WWOX: variants seen among roughly 807,000 people sequenced by gnomAD.
WWOX encodes the protein WW domain containing oxidoreductase.
In WWOX, 69 loss-of-function variants were observed where a neutral mutation model predicts 46.2. The observed-to-expected ratio is 1.49, with a 90% CI of 1.23 to 1.82. The LOEUF (loss-of-function observed/expected upper bound fraction) is 1.82, where lower values mean the gene tolerates loss of function less well. WWOX is among the 40% of genes most tolerant of loss of function. The pLI, the probability that WWOX is intolerant of heterozygous loss-of-function variation, is 0.00. For missense variants in WWOX, 919 were observed against 542.6 expected (o/e 1.69, Z -6.89); for synonymous variants, 359 against 202.6 (o/e 1.77, Z -6.56).
At chr16:79,073,777 C>A (rs1297143276) in intron 8 of WWOX, among the ~76,000 whole-genome samples, 1 of 152,158 alleles carries the variant, frequency 6.6e-6, no homozygotes, top group Non-Finnish European at 1.5e-5. Context: ...GGGTTTATAA[C>A]TGATCCACTG....
chr16:78,505,853 G>C lies in WWOX; in HGVS notation c.1056+73101G>C, dbSNP rs1444173085. On this transcript the variant is annotated intron_variant, in intron 8 of 8. Transcript: ENST00000566780. ...ATTCTGTAGAGAGAGTGGGTGGAGA[G>C]GACTCCAGGGCCATGGAGGAAGATT... Among the ~76,000 whole-genome samples the C allele has an allele frequency of 7.9e-5, 12 of 152,264 alleles. No homozygotes were observed. In the East Asian group the frequency reaches 2.3e-3, roughly 29 times the overall value.
chr16:79,028,411 G>A (rs2047688659), intron 8 of WWOX, among the ~76,000 whole-genome samples: 1 of 151,724 alleles, frequency 6.6e-6, no homozygotes, highest in African/African-American at 2.4e-5. Context: ...GAAACATGAG[G>A]CAGTGTACAG....
At chr16:78,696,996 A>T (rs2048114157) in intron 8 of WWOX, among the ~76,000 whole-genome samples, 1 of 152,168 alleles carries the variant, frequency 6.6e-6, no homozygotes, top group Admixed American at 6.5e-5. Flanking sequence ...CCATCAGTTC[A>T]TTCCTTTTCA....
At chr16:79,122,534 T>C (rs955751464) in intron 8 of WWOX, among the ~76,000 whole-genome samples, 1 of 151,954 alleles carries the variant, frequency 6.6e-6, no homozygotes, top group African/African-American at 2.4e-5. Flanking sequence ...CTTCTCTCTA[T>C]CCTTCCTTTT....
At chr16:79,088,214 GC>G (rs2048888638) in intron 8 of WWOX, among the ~76,000 whole-genome samples, 1 of 152,182 alleles carries the variant, frequency 6.6e-6, no homozygotes, top group Non-Finnish European at 1.5e-5. Context: ...CCACGGGGTG[GC>G]CTTCAAGCAG....
At chr16:78,985,964 C>G (rs1303007047) in intron 8 of WWOX, among the ~76,000 whole-genome samples, 2 of 152,214 alleles carry the variant, frequency 1.3e-5, no homozygotes, top group Non-Finnish European at 2.9e-5. Context: ...GTCAAAAGTT[C>G]ATGGCTCAGA....
chr16:78,635,505 C>T (rs2046545989), intron 8 of WWOX, among the ~76,000 whole-genome samples: 1 of 152,144 alleles, frequency 6.6e-6, no homozygotes, highest in Non-Finnish European at 1.5e-5. Flanking sequence ...CATATCCTGG[C>T]TGGGCCACTT....
chr16:79,071,141 A>G (rs2048542731), intron 8 of WWOX, among the ~76,000 whole-genome samples: 1 of 152,210 alleles, frequency 6.6e-6, no homozygotes, highest in Non-Finnish European at 1.5e-5. Context: ...TTTCCAGGCT[A>G]GCAGTTTTTA....
chr16:78,419,350 G>T (rs1226723199), intron 6 of WWOX, among the ~76,000 whole-genome samples: 1 of 152,058 alleles, frequency 6.6e-6, no homozygotes, highest in African/African-American at 2.4e-5. Context: ...TGAAAAAGAA[G>T]AGTGTTGGAG....
At position 78,899,853 on chromosome 16, in the gene WWOX, G is replaced by C. The variant is rs991967943; in HGVS notation, c.1057-311755G>C. Among the ~76,000 whole-genome samples, 17 of 152,136 alleles carry C rather than the reference G, an allele frequency of 1.1e-4. 1 individual carries two copies. Among genetic ancestry groups the C allele is most frequent in the Admixed American group, 9.8e-4 (15 of 15,264 alleles). On this transcript the variant is annotated intron_variant, in intron 8 of 8. Transcript: ENST00000566780. ...TCTGTTTTGTTCCACTGGCTCCTAA[G>C]GTTCAGGTATTAACATAAATACAGC...
At chr16:78,327,297 A>G (rs1303522127) in intron 5 of WWOX, among the ~76,000 whole-genome samples, 1 of 152,206 alleles carries the variant, frequency 6.6e-6, no homozygotes, top group Admixed American at 6.5e-5. Flanking sequence ...TCTTTGCACC[A>G]GTGTCCCTAA....
At chr16:78,547,603 C>T (rs745738738) in intron 8 of WWOX, among the ~76,000 whole-genome samples, 3 of 152,272 alleles carry the variant, frequency 2.0e-5, no homozygotes, top group African/African-American at 7.2e-5. Flanking sequence ...TTATAAACAC[C>T]TGAAATCTAT....
At chr16:79,010,804 G>A (rs1219480181) in intron 8 of WWOX, among the ~76,000 whole-genome samples, 1 of 147,422 alleles carries the variant, frequency 6.8e-6, no homozygotes, top group East Asian at 2.0e-4. Flanking sequence ...TAAGGGCAGA[G>A]CACACTGGGG....
At chr16:78,888,462 C>A (rs532598863) in intron 8 of WWOX, among the ~76,000 whole-genome samples, 37 of 152,258 alleles carry the variant, frequency 2.4e-4, no homozygotes, top group African/African-American at 8.7e-4. Flanking sequence ...ATCCTGAGGT[C>A]CACTAGGTGC....
At chr16:78,850,920 A>G (rs973794040) in intron 8 of WWOX, among the ~76,000 whole-genome samples, 1 of 152,218 alleles carries the variant, frequency 6.6e-6, no homozygotes, top group Admixed American at 6.5e-5. Context: ...TCAGTCATGA[A>G]TAAGGAATCG....
At chr16:78,991,951 A>G (rs1347762903) in intron 8 of WWOX, among the ~76,000 whole-genome samples, 3 of 152,130 alleles carry the variant, frequency 2.0e-5, no homozygotes, top group Non-Finnish European at 4.4e-5. Context: ...CTCAACACAT[A>G]TTCATTAGTG....
intron 8 of WWOX, among the ~76,000 whole-genome samples, chr16:78,968,812 T>G (rs2046413833): frequency 6.6e-6 from 1 of 152,162 alleles, no homozygotes; most frequent in African/African-American, 2.4e-5. Context: ...TTTATTATGT[T>G]CAATTGGATT....
At chr16:78,324,435 G>T (rs1056188679) in intron 5 of WWOX, among the ~76,000 whole-genome samples, 1 of 151,930 alleles carries the variant, frequency 6.6e-6, no homozygotes, top group Non-Finnish European at 1.5e-5. Context: ...TCCACTCCTA[G>T]GTACGTATCA....
intron 8 of WWOX, among the ~76,000 whole-genome samples, chr16:79,048,181 C>CT (rs2048100954): frequency 6.6e-6 from 1 of 152,132 alleles, no homozygotes. Context: ...TAGCCTTCGA[C>CT]TTTCTATTTT....
Sources: gnomAD v4.1 joint callset for allele counts (sites outside exome capture counted in the v4.1 genomes callset) on GRCh38, gnomAD v4.1.1 for gene constraint, MANE v1.5 for transcripts, NCBI Gene and HGNC (gene_info 2026-07-23, HGNC 2026-07-21) for gene names.